GNA11: variants seen among roughly 807,000 people sequenced by gnomAD.
GNA11 encodes guanine nucleotide-binding protein subunit alpha-11.
In GNA11, 8 loss-of-function variants were observed where a neutral mutation model predicts 38.2. The ratio of observed to expected loss-of-function variants is 0.21; its 90% CI spans 0.12 to 0.38. The LOEUF is 0.38. Ranked by LOEUF, GNA11 falls within the 10% of genes least tolerant of loss-of-function variation. GNA11 has a pLI of 1.00. For missense variants in GNA11, 268 were observed against 516.3 expected (o/e 0.52, Z 4.66); for synonymous variants, 211 against 221.4 (o/e 0.95, Z 0.42).
rs201102241 is a variant in GNA11 at position 3,121,301 on chromosome 19, A to ATTTTTTTTTTTTTTTTTTTTTT, written c.*133_*134insTTTTTTTTTTTTTTTTTTTTTT. 1 of 490,998 alleles carries ATTTTTTTTTTTTTTTTTTTTTT rather than the reference A, an allele frequency of 2.0e-6. No individual in the cohort carries two copies. The highest frequency in any genetic ancestry group is 3.6e-6 in the Non-Finnish European group (1 of 277,640). The allele number at this position is 490,998 out of a possible 1,614,324, so 30.4% of individuals were successfully genotyped here. On this transcript the variant is annotated 3_prime_UTR_variant, in exon 7 of 7. Coordinates refer to ENST00000078429, the MANE Select transcript of GNA11 (RefSeq NM_002067.5). ...CCGGGGCCTCTGCCCGCGGGAGGAG[A>ATTTTTTTTTTTTTTTTTTTTTT]TTTTTTTTTTTCATATTTTTAACAA...
At chr19:3,112,749 G>A (rs112135822) in intron 2 of GNA11, among the ~76,000 whole-genome samples, 2,731 of 152,352 alleles carry the variant, frequency 0.018, 77 homozygotes, top group African/African-American at 0.052. Context: ...CCTTAGCACC[G>A]GGTGTGGTAT....
intron 1 of GNA11, among the ~76,000 whole-genome samples, chr19:3,109,556 C>T (rs995005849): frequency 6.6e-6 from 1 of 152,230 alleles, no homozygotes; most frequent in African/African-American, 2.4e-5. Flanking sequence ...GCACAACGGT[C>T]CTGGCTGACC....
At position 3,120,971 on chromosome 19, in the gene GNA11, C is replaced by A. The variant is rs1599308670; in HGVS notation, c.890-18C>A. 1 of 1,594,492 alleles carries A rather than the reference C, an allele frequency of 6.3e-7. No individual in the cohort carries two copies. The highest frequency in any genetic ancestry group is 8.6e-7 in the Non-Finnish European group (1 of 1,168,894). ...TGGGCCGGGCTGGGGCACAGCCTCA[C>A]CCTCTGCCCTCCCCCAGGTCCCCAG... On this transcript the variant is annotated intron_variant, in intron 6 of 6. Coordinates refer to ENST00000078429, the MANE Select transcript of GNA11 (RefSeq NM_002067.5). This position sits in a 1 kb window ranked among gnomAD's most constrained non-coding sequence, Gnocchi z 5.9.
In GNA11 at chr19:3,110,746, C is replaced by T. The variant is rs1913755369; in HGVS notation, c.321+413C>T. On this transcript the variant is annotated intron_variant, in intron 2 of 6. Transcript: ENST00000078429. The surrounding 1 kb of genome is among the most constrained non-coding windows in gnomAD (Gnocchi z 5.4). ...CAGGCACCTCGTTTCGGCCCTGACACTCACCCATGGGGCTGTACTTCTCAC... is the reference window on the plus strand; with the variant it reads ...CAGGCACCTCGTTTCGGCCCTGACATTCACCCATGGGGCTGTACTTCTCAC... Among the ~76,000 whole-genome samples, 1 of 152,190 alleles carries T rather than the reference C, an allele frequency of 6.6e-6. No individual in the cohort carries two copies. The highest frequency in any genetic ancestry group is 2.1e-4 in the South Asian group (1 of 4,828).
Position 3,110,021 on chromosome 19 carries a change from C to A in GNA11, c.137-128C>A. ...GAGGCCGTGGCGTCTGGTGGAGAGA[C>A]GGTCAGCCTCACGTGCCTTGGTTTC... On this transcript the variant is annotated intron_variant, in intron 1 of 6. Transcript: ENST00000078429. This position sits in a 1 kb window ranked among gnomAD's most constrained non-coding sequence, Gnocchi z 5.4. 1.5e-6 allele frequency: 1 copy of A among 671,326 alleles called. No individual in the cohort carries two copies. The highest frequency in any genetic ancestry group is 2.5e-6 in the Non-Finnish European group (1 of 395,136). The allele number at this position is 671,326 out of a possible 1,614,324, so 41.6% of individuals were successfully genotyped here. A position where few individuals can be genotyped will look rare whatever the true frequency, so the allele number is the denominator to read the frequency against.
chr19:3,119,585 T>G lies in GNA11; in HGVS notation c.889+226T>G, dbSNP rs1338816382. Among the ~76,000 whole-genome samples, 1 of 142,648 alleles carries G rather than the reference T, an allele frequency of 7.0e-6. No individual in the cohort carries two copies. Among genetic ancestry groups the G allele is most frequent in the Non-Finnish European group, 1.5e-5 (1 of 66,138 alleles). The allele number at this position is 142,648 out of a possible 152,430, so 93.6% of individuals were successfully genotyped here. The stretch of plus-strand genomic sequence containing the variant: ...GGGTGTCTCATACCCGTGGGAGATC[T>G]GTTAATGCAGGGACTCCTTATACAG... On this transcript the variant is annotated intron_variant, in intron 6 of 6. Transcript: ENST00000078429. The surrounding 1 kb of genome is among the most constrained non-coding windows in gnomAD (Gnocchi z 4.6).
Position 3,123,623 on chromosome 19 carries a change from A to C in GNA11, c.*2444A>C. On this transcript the variant is annotated 3_prime_UTR_variant, in exon 7 of 7. Coordinates refer to ENST00000078429, the MANE Select transcript of GNA11 (RefSeq NM_002067.5). The stretch of plus-strand genomic sequence containing the variant: ...AGCAGCCCCCGGCCACTGCAAACCC[A>C]TGCCCTGGGTCCCCCGGCTCCCCCA... The C allele has an allele frequency of 4.3e-6, 1 of 232,510 alleles. No homozygotes were observed. Among genetic ancestry groups the C allele is most frequent in the Non-Finnish European group, 8.5e-6 (1 of 117,624 alleles). The allele number at this position is 232,510 out of a possible 1,614,324, so 14.4% of individuals were successfully genotyped here.
At chr19:3,105,610 C>T (rs1913621734) in intron 1 of GNA11, among the ~76,000 whole-genome samples, 1 of 152,152 alleles carries the variant, frequency 6.6e-6, no homozygotes, top group Non-Finnish European at 1.5e-5. Flanking sequence ...CCTCCCAACA[C>T]CACTGTCTTA....
intron 1 of GNA11, among the ~76,000 whole-genome samples, chr19:3,102,179 G>T (rs1284946886): frequency 6.6e-6 from 1 of 152,160 alleles, no homozygotes; most frequent in East Asian, 1.9e-4. Flanking sequence ...CGCTTCCAGT[G>T]GAGGGGTGGG....
At chr19:3,113,101 G>A (rs754019625) in intron 2 of GNA11, among the ~76,000 whole-genome samples, 3 of 152,252 alleles carry the variant, frequency 2.0e-5, no homozygotes, top group African/African-American at 4.8e-5. Context: ...CCTGCAGACC[G>A]CACCGCCGGG....
At chr19:3,117,747 C>T (rs1047603492) in intron 4 of GNA11, 3 of 152,368 alleles carry the variant, frequency 2.0e-5, no homozygotes, top group African/African-American at 7.2e-5. Flanking sequence ...ACCATTGTTT[C>T]TCTGCCAGCC....
intron 1 of GNA11, among the ~76,000 whole-genome samples, chr19:3,103,734 T>TG (rs1913565471): frequency 6.6e-6 from 1 of 150,418 alleles, no homozygotes; most frequent in South Asian, 2.1e-4. Context: ...ACAAGAGTCT[T>TG]GCTCTGTCGC....
chr19:3,118,783 C>G (rs564864160), intron 4 of GNA11, 141 bp from the exon 5 acceptor site: 12 of 763,134 alleles, frequency 1.6e-5, no homozygotes, highest in Non-Finnish European at 2.2e-6. Context: ...CGTCCTTGCC[C>G]GTTCTAAGAG....
Position 3,094,867 on chromosome 19 carries a change from C to T in GNA11, c.136+80C>T. On this transcript the variant is annotated intron_variant, in intron 1 of 6. Transcript: ENST00000078429. The surrounding 1 kb of genome is among the most constrained non-coding windows in gnomAD (Gnocchi z 6.0). ...CCTGCCTGTCCGGGTCGGGCCGGGACCCTCCGGGGTCAGCCCTGCCTGTGC... is the reference window on the plus strand; with the variant it reads ...CCTGCCTGTCCGGGTCGGGCCGGGATCCTCCGGGGTCAGCCCTGCCTGTGC... 1.8e-6 allele frequency: 2 copies of T among 1,126,650 alleles called. No individual in the cohort carries two copies. The highest frequency in any genetic ancestry group is 2.4e-6 in the Non-Finnish European group (2 of 845,678). 69.8% of individuals were successfully genotyped at this position (1,126,650 alleles called of 1,614,324 possible). A position where few individuals can be genotyped will look rare whatever the true frequency, so the allele number is the denominator to read the frequency against.
rs967230291 is a variant in GNA11 at position 3,120,646 on chromosome 19, G to A, written c.890-343G>A. The stretch of plus-strand genomic sequence containing the variant: ...GCCTCTCCTCTCACCCTGGGCCTTC[G>A]CAGGGCAGCCATGCCAGAGGCCTGC... On this transcript the variant is annotated intron_variant, in intron 6 of 6. Transcript: ENST00000078429. This position sits in a 1 kb window ranked among gnomAD's most constrained non-coding sequence, Gnocchi z 5.9. 1.3e-5 allele frequency among the ~76,000 whole-genome samples: 2 copies of A among 152,156 alleles called. No individual in the cohort carries two copies. Among genetic ancestry groups the A allele is most frequent in the African/African-American group, 4.8e-5 (2 of 41,448 alleles).
Position 3,121,003 on chromosome 19 carries a change from G to A in GNA11, c.904G>A (p.Ala302Thr), listed in dbSNP as rs139538868. Reference sequence around the variant, plus strand: ...CCCTCCCCCAGGTCCCCAGCGGGACGCCCAGGCGGCGCGGGAGTTCATCCT... The same window carrying A: ...CCCTCCCCCAGGTCCCCAGCGGGACACCCAGGCGGCGCGGGAGTTCATCCT... ...FPEFDGPQRDAQAAREFILKM... is the reference protein window; with the variant it reads ...FPEFDGPQRDTQAAREFILKM... The change falls in exon 7 of 7, where the codon GCC becomes ACC. Residue 302 changes from alanine to threonine, a missense_variant. By Grantham distance (58) the Ala-to-Thr change is moderately conservative (BLOSUM62 0). This residue lies in a region of GNA11 where 92 missense variants were observed against 166.7 expected (regional missense o/e 0.55). Transcript: ENST00000078429. 1.3e-5 allele frequency: 21 copies of A among 1,612,858 alleles called. No homozygotes were observed. The highest frequency in any genetic ancestry group is 6.7e-5 in the Admixed American group (4 of 59,970).
chr19:3,102,460 G>GGGC (rs1913528803), intron 1 of GNA11, among the ~76,000 whole-genome samples: 1 of 152,194 alleles, frequency 6.6e-6, no homozygotes, highest in Non-Finnish European at 1.5e-5. Context: ...TCCTCTCTCA[G>GGGC]GGCGCCCCCT....
chr19:3,100,529 C>T (rs539019375), intron 1 of GNA11, among the ~76,000 whole-genome samples: 4 of 152,212 alleles, frequency 2.6e-5, no homozygotes, highest in African/African-American at 9.6e-5. Context: ...AGGAGTGGCC[C>T]GACACCTCCC....
chr19:3,111,103 G>T (rs548087326), intron 2 of GNA11, among the ~76,000 whole-genome samples: 2 of 150,662 alleles, frequency 1.3e-5, no homozygotes, highest in East Asian at 1.9e-4. Context: ...CTCCGCCCTG[G>T]TTTTTTTTCT....
Sources: allele counts gnomAD v4.1 joint callset (sites outside exome capture counted in the v4.1 genomes callset), GRCh38; gene constraint gnomAD v4.1.1; regional missense constraint gnomAD v4.1.1; non-coding constraint Gnocchi (gnomAD v3.1); transcripts MANE v1.5; gene names NCBI Gene and HGNC (gene_info 2026-07-23, HGNC 2026-07-21).